The following KIF1B variants were observed in gnomAD, a reference collection of about 807,000 sequenced individuals.
KIF1B encodes the protein kinesin family member 1B, also known as kinesin-like protein KIF1B.
KIF1B carries 76 observed loss-of-function variants against 241.9 expected under a neutral mutation model. That is an observed-to-expected ratio of 0.31 (90% CI 0.26 to 0.38). KIF1B has a LOEUF of 0.38. Ranked by LOEUF, KIF1B falls within the 10% of genes least tolerant of loss-of-function variation. The pLI, the probability that KIF1B is intolerant of heterozygous loss-of-function variation, is 1.00. For missense variants in KIF1B, 1,622 were observed against 2,271.4 expected, an observed-to-expected ratio of 0.71 and a Z score of 5.81; for synonymous variants, 750 against 796.7, an observed-to-expected ratio of 0.94 and a Z score of 0.99.
At chr1:10,251,665 C>T (rs1316801716) in intron 2 of KIF1B, among the ~76,000 whole-genome samples, 1 of 151,004 alleles carries the variant, frequency 6.6e-6, no homozygotes, top group African/African-American at 2.4e-5. Context: ...ACCCAGGAGG[C>T]GGAGGTTGCA....
chr1:10,212,488 T>G (rs1020639107), intron 1 of KIF1B, among the ~76,000 whole-genome samples: 1 of 152,222 alleles, frequency 6.6e-6, no homozygotes, highest in African/African-American at 2.4e-5. Flanking sequence ...GGACAGGACC[T>G]GGAGAGATGG....
chr1:10,372,661 GAGCTGTCACCCAA>G (rs1426792899), intron 45 of KIF1B, among the ~76,000 whole-genome samples: 4 of 120,528 alleles, frequency 3.3e-5, no homozygotes, highest in Non-Finnish European at 6.8e-5. Flanking sequence ...TTGGGTGACA[GAGCTGTCACCCAA>G]GCTGGCGCGC....
rs1289442066 is a variant in KIF1B at position 10,336,142 on chromosome 1, A to C, written c.3044-515A>C. Among the ~76,000 whole-genome samples, 4 of 152,332 alleles carry C rather than the reference A, an allele frequency of 2.6e-5. 1 individual carries two copies. The highest frequency in any genetic ancestry group is 2.6e-4 in the Admixed American group (4 of 15,308). Reference sequence around the variant, plus strand: ...TAGGTATGACATTTGAACAATCTCAAGAATAAAACTGATTCTTTTTTTTTG... The same window carrying C: ...TAGGTATGACATTTGAACAATCTCACGAATAAAACTGATTCTTTTTTTTTG... On this transcript the variant is annotated intron_variant, in intron 28 of 48. Transcript: ENST00000676179.
At chr1:10,222,868 C>T (rs1646862926) in intron 1 of KIF1B, among the ~76,000 whole-genome samples, 1 of 152,196 alleles carries the variant, frequency 6.6e-6, no homozygotes, top group African/African-American at 2.4e-5. Flanking sequence ...GTATGGTTAC[C>T]TTTTCTACCT....
chr1:10,239,475 T>C (rs1259011966), intron 2 of KIF1B, among the ~76,000 whole-genome samples: 1 of 152,162 alleles, frequency 6.6e-6, no homozygotes, highest in Non-Finnish European at 1.5e-5. Context: ...TTTTGTAATA[T>C]GGGTATATTA....
chr1:10,345,986 C>A, intron 35 of KIF1B, 33 bp downstream of exon 35: 1 of 1,346,408 alleles, frequency 7.4e-7, no homozygotes, highest in Non-Finnish European at 1.1e-6. Context: ...TTAAATAAGG[C>A]AAAATGTTTC....
chr1:10,282,944 C>G lies in KIF1B; in HGVS notation c.1434+411C>G, dbSNP rs567363608. On this transcript the variant is annotated intron_variant, in intron 15 of 48. Coordinates refer to ENST00000676179, the MANE Select transcript of KIF1B (RefSeq NM_001365951.3). ...AGTTTGGGCCGGGTGCAGTGGCTCA[C>G]GCCTGTAATCCCAGCACTTTGGGAG... Among the ~76,000 whole-genome samples, 7 of 152,000 alleles carry G rather than the reference C, an allele frequency of 4.6e-5. No homozygotes were observed. In the East Asian group the frequency reaches 1.4e-3, roughly 29 times the overall value.
intron 22 of KIF1B, chr1:10,305,608 T>C: frequency 9.5e-7 from 1 of 1,057,614 alleles, no homozygotes; most frequent in South Asian, 4.6e-5. Context: ...AAAAGTTAAC[T>C]TTGGTTGGGC....
chr1:10,296,421 T>C (rs1650264298), intron 19 of KIF1B, among the ~76,000 whole-genome samples, 161 bp from the exon 20 acceptor site: 1 of 152,198 alleles, frequency 6.6e-6, no homozygotes, highest in South Asian at 2.1e-4. Flanking sequence ...TTGGGGCTAG[T>C]TCTGGTACCC....
rs534854877 is a variant in KIF1B, at chr1:10,337,028, G to A, written c.3130-46G>A. The stretch of plus-strand genomic sequence containing the variant: ...AAGTAAGGCAACTGGGGAAAAATAC[G>A]TTTTTATACTACTTTACCATGTATC... On this transcript the variant is annotated intron_variant, in intron 29 of 48. Transcript: ENST00000676179. This position sits in a 1 kb window ranked among gnomAD's most constrained non-coding sequence, Gnocchi z 4.0. 581 of 1,613,124 alleles carry A rather than the reference G, an allele frequency of 3.6e-4. 13 individuals are homozygous for A. In the South Asian group the frequency reaches 6.0e-3, roughly 17 times the overall value.
At chr1:10,334,149 C>CAAAA (rs372716443) in intron 27 of KIF1B, among the ~76,000 whole-genome samples, 20,690 of 82,280 alleles carry the variant, frequency 0.25, 2,387 homozygotes, top group East Asian at 0.3. Flanking sequence ...GACTCTGTCT[C>CAAAA]AAAAAAAAAA....
At chr1:10,234,359 C>A (rs560729001) in intron 2 of KIF1B, among the ~76,000 whole-genome samples, 2 of 152,126 alleles carry the variant, frequency 1.3e-5, no homozygotes, top group East Asian at 3.9e-4. Context: ...AGGCACCCAC[C>A]ACTATGCCTG....
Position 10,232,266 on chromosome 1 carries a change from T to A in KIF1B, c.-63T>A. The A allele has an allele frequency of 7.6e-7, 1 of 1,321,748 alleles. No homozygotes were observed. Among genetic ancestry groups the A allele is most frequent in the Non-Finnish European group, 1.1e-6 (1 of 933,490 alleles). 81.9% of individuals were successfully genotyped at this position (1,321,748 alleles called of 1,614,324 possible). On this transcript the variant is annotated 5_prime_UTR_variant, in exon 2 of 49. Coordinates refer to ENST00000676179, the MANE Select transcript of KIF1B (RefSeq NM_001365951.3). The stretch of plus-strand genomic sequence containing the variant: ...TTTTCAAAGGAAACTTGGCTGTAAC[T>A]TCAAAAGAAGATTTGATTCTTTATT...
chr1:10,295,677 C>T lies in KIF1B; in HGVS notation c.1688C>T (p.Ala563Val), dbSNP rs1380115558. ...DGITRVGQAD[A>V]ERRQDIVLSG... is the part of the protein sequence containing the mutation. ...GTGTTCAGGGTTGGCCAAGCAGATG[C>T]TGAGCGGCGCCAGGACATAGTGCTG... The change falls in exon 19 of 49, where the codon GCT becomes GTT. Residue 563 changes from alanine (A) to valine (V), a missense_variant. Coordinates refer to ENST00000676179, the MANE Select transcript of KIF1B (RefSeq NM_001365951.3). The T allele has an allele frequency of 6.2e-7, 1 of 1,613,608 alleles. No homozygotes were observed. Among genetic ancestry groups the T allele is most frequent in the Non-Finnish European group, 8.5e-7 (1 of 1,179,864 alleles).
intron 5 of KIF1B, among the ~76,000 whole-genome samples, chr1:10,266,190 A>G (rs533571967): frequency 1.8e-4 from 28 of 152,324 alleles, no homozygotes; most frequent in African/African-American, 6.5e-4. Context: ...TGATGTTATG[A>G]AACCAACTTG....
In KIF1B at chr1:10,210,854, C is replaced by T. The variant is rs1386662192; in HGVS notation, c.-104C>T. The stretch of plus-strand genomic sequence containing the variant: ...CCGCGGCTCCTGTTGACCCGGTCCG[C>T]CCGTCGGTCTGCAGCGCGGCTGAGG... On this transcript the variant is annotated 5_prime_UTR_variant, in exon 1 of 49. Transcript: ENST00000676179. This position sits in a 1 kb window ranked among gnomAD's most constrained non-coding sequence, Gnocchi z 4.1. 1 of 150,360 alleles carries T rather than the reference C, an allele frequency of 6.7e-6. No individual in the cohort carries two copies. Among genetic ancestry groups the T allele is most frequent in the Non-Finnish European group, 1.5e-5 (1 of 67,270 alleles). 9.3% of individuals were successfully genotyped at this position (150,360 alleles called of 1,614,324 possible).
intron 13 of KIF1B, 97 bp from the exon 14 acceptor site, chr1:10,279,000 T>C (rs878858085): frequency 1.4e-6 from 1 of 735,330 alleles, no homozygotes; most frequent in South Asian, 1.8e-5. Flanking sequence ...AACTTTTCCA[T>C]CTCCCCAAAT....
intron 44 of KIF1B, among the ~76,000 whole-genome samples, chr1:10,369,630 C>T (rs1299909822): frequency 1.3e-5 from 2 of 152,100 alleles, no homozygotes; most frequent in Non-Finnish European, 1.5e-5. Flanking sequence ...TTTTTTGTCT[C>T]TTAATGATAA....
rs1298315977 is a variant in KIF1B, at chr1:10,257,361, CTACTTGGGAGG to C, written c.183+1039_183+1049del. Reference sequence around the variant, plus strand: ...TGGTGGCGGGTGCCTGTAATCCCAGCTACTTGGGAGGCTGAGGCAGGTGAACTGCTTGAACC... The same window carrying C: ...TGGTGGCGGGTGCCTGTAATCCCAGCCTGAGGCAGGTGAACTGCTTGAACC... On this transcript the variant is annotated intron_variant, in intron 3 of 48. Coordinates refer to ENST00000676179, the MANE Select transcript of KIF1B (RefSeq NM_001365951.3). Among the ~76,000 whole-genome samples the C allele has an allele frequency of 7.9e-3, 1,188 of 150,048 alleles. 20 individuals carry two copies. Among genetic ancestry groups the C allele is most frequent in the African/African-American group, 0.028 (1,133 of 40,770 alleles).
Sources: allele counts gnomAD v4.1 joint callset (sites outside exome capture counted in the v4.1 genomes callset), GRCh38; gene constraint gnomAD v4.1.1; non-coding constraint Gnocchi (gnomAD v3.1); transcripts MANE v1.5; gene names NCBI Gene and HGNC (gene_info 2026-07-23, HGNC 2026-07-21).